Variants in TRIM13 observed in about 807,000 individuals in gnomAD.
The protein encoded by TRIM13 is E3 ubiquitin-protein ligase TRIM13.
TRIM13 carries 15 observed loss-of-function variants against 27.1 expected under a neutral mutation model. That is an observed-to-expected ratio of 0.55 (90% CI 0.37 to 0.85). The LOEUF (loss-of-function observed/expected upper bound fraction) is 0.85, where lower values mean the gene tolerates loss of function less well. Ranked by LOEUF, TRIM13 falls within the 40% of genes least tolerant of loss-of-function variation. The probability of loss-of-function intolerance (pLI) is 0.00; values close to 1 mark genes in which losing one functional copy is unlikely to be tolerated. For missense variants in TRIM13, 402 were observed against 472.2 expected, an observed-to-expected ratio of 0.85 and a Z score of 1.38; for synonymous variants, 193 against 171.5, an observed-to-expected ratio of 1.13 and a Z score of -0.98.
chr13:49,997,419 C>T lies in TRIM13; in HGVS notation c.-351C>T, dbSNP rs1345141691. On this transcript the variant is annotated 5_prime_UTR_variant, in exon 1 of 2. Transcript: ENST00000378182. ...CCCCGCTACCAGCGTCTCCACATCC[C>T]CTAGAAAAGAAAAGACGGGTGTGGG... 2 of 152,156 alleles carry T rather than the reference C, an allele frequency of 1.3e-5. No homozygotes were observed. The highest frequency in any genetic ancestry group is 2.9e-5 in the Non-Finnish European group (2 of 68,048). The allele number at this position is 152,156 out of a possible 1,614,324, so 9.4% of individuals were successfully genotyped here. A position where few individuals can be genotyped will look rare whatever the true frequency, so the allele number is the denominator to read the frequency against.
At chr13:50,006,370 C>G (rs1874712773) in intron 1 of TRIM13, among the ~76,000 whole-genome samples, 1 of 152,080 alleles carries the variant, frequency 6.6e-6, no homozygotes, top group African/African-American at 2.4e-5. Context: ...TCCTCCTCAT[C>G]CCACCCAATC....
intron 1 of TRIM13, among the ~76,000 whole-genome samples, chr13:49,999,968 C>G (rs536252269): frequency 6.6e-6 from 1 of 152,256 alleles, no homozygotes; most frequent in South Asian, 2.1e-4. Context: ...TTCTTGAGTG[C>G]TGGGGGTGTC....
Position 50,015,343 on chromosome 13 carries a change from C to A in TRIM13, c.*2179C>A. The A allele has an allele frequency of 1.5e-6, 1 of 650,712 alleles. No homozygotes were observed. The highest frequency in any genetic ancestry group is 2.7e-6 in the Non-Finnish European group (1 of 370,662). 40.3% of individuals were successfully genotyped at this position (650,712 alleles called of 1,614,324 possible). A position where few individuals can be genotyped will look rare whatever the true frequency, so the allele number is the denominator to read the frequency against. On this transcript the variant is annotated 3_prime_UTR_variant, in exon 2 of 2. Transcript: ENST00000378182. ...ACACAGCCATGGATACACTATTTAC[C>A]TTACAGTAGTTTCCTGGGAATCTAA...
rs1876113502 is a variant in TRIM13 at position 50,014,393 on chromosome 13, A to T, written c.*1229A>T. Reference sequence around the variant, plus strand: ...CACACACACATATGTACACATACATATATATACATATATATGTATATATAG... The same window carrying T: ...CACACACACATATGTACACATACATTTATATACATATATATGTATATATAG... On this transcript the variant is annotated 3_prime_UTR_variant, in exon 2 of 2. Coordinates refer to ENST00000378182, the MANE Select transcript of TRIM13 (RefSeq NM_213590.3). The T allele has an allele frequency of 6.3e-6, 1 of 158,966 alleles. No individual in the cohort carries two copies. The highest frequency in any genetic ancestry group is 7.1e-5 in the Admixed American group (1 of 14,006). The allele number at this position is 158,966 out of a possible 1,614,324, so 9.8% of individuals were successfully genotyped here. A position where few individuals can be genotyped will look rare whatever the true frequency, so the allele number is the denominator to read the frequency against.
chr13:50,005,939 A>G lies in TRIM13; in HGVS notation c.-6-5996A>G, dbSNP rs999103115. ...TCCATGTGGGCCAGGCTGGTCTCGA[A>G]CTCCCGACCTCATCTGCCCACCTCG... On this transcript the variant is annotated intron_variant, in intron 1 of 1. Coordinates refer to ENST00000378182, the MANE Select transcript of TRIM13 (RefSeq NM_213590.3). Among the ~76,000 whole-genome samples, 17 of 151,552 alleles carry G rather than the reference A, an allele frequency of 1.1e-4. 1 individual carries two copies. Among genetic ancestry groups the G allele is most frequent in the African/African-American group, 4.1e-4 (17 of 41,222 alleles).
At position 50,015,912 on chromosome 13, in the gene TRIM13, T is replaced by C. The variant is rs775679320; in HGVS notation, c.*2748T>C. 6.8e-6 allele frequency: 11 copies of C among 1,614,016 alleles called. No individual in the cohort carries two copies. The highest frequency in any genetic ancestry group is 9.3e-6 in the Non-Finnish European group (11 of 1,179,972). On this transcript the variant is annotated 3_prime_UTR_variant, in exon 2 of 2. Coordinates refer to ENST00000378182, the MANE Select transcript of TRIM13 (RefSeq NM_213590.3). ...ACAATTGAGATGCTAACAGGGAGGA[T>C]TACAGTGTTTACAGAACAACCTTCA...
Position 50,012,437 on chromosome 13 carries a change from C to G in TRIM13, c.497C>G (p.Thr166Ser), listed in dbSNP as rs958739173. Residue 166 changes from threonine to serine, a missense_variant, in exon 2 of 2, where the codon ACT becomes AGT. This residue lies in a region of TRIM13 where 202 missense variants were observed against 277.5 expected (regional missense o/e 0.73). Transcript: ENST00000378182. ...DALSRLDTLE[T>S]SKRKSLQLLT... ...CTTTCTCGCTTGGATACCTTGGAAACTAGTAAGAGGAAATCCCTACAGTTA... is the reference window on the plus strand; with the variant it reads ...CTTTCTCGCTTGGATACCTTGGAAAGTAGTAAGAGGAAATCCCTACAGTTA... 3.7e-6 allele frequency: 6 copies of G among 1,613,840 alleles called. No individual in the cohort carries two copies. In the African/African-American group the frequency reaches 6.7e-5, roughly 18 times the overall value.
At chr13:50,011,306 A>G (rs1236038115) in intron 1 of TRIM13, among the ~76,000 whole-genome samples, 1 of 152,224 alleles carries the variant, frequency 6.6e-6, no homozygotes, top group Non-Finnish European at 1.5e-5. Context: ...AGATAATACA[A>G]AATGGCTTCT....
At chr13:50,006,964 C>T (rs893382462) in intron 1 of TRIM13, among the ~76,000 whole-genome samples, 8 of 149,482 alleles carry the variant, frequency 5.4e-5, no homozygotes, top group Admixed American at 4.0e-4. Flanking sequence ...GCGGATCACC[C>T]GAGGTCAGGA....
Position 50,012,641 on chromosome 13 carries a change from A to G in TRIM13, c.701A>G (p.Asn234Ser), listed in dbSNP as rs1388129611. 1.9e-6 allele frequency: 3 copies of G among 1,613,994 alleles called. No individual in the cohort carries two copies. The highest frequency in any genetic ancestry group is 2.5e-6 in the Non-Finnish European group (3 of 1,180,010). Reference sequence around the variant, plus strand: ...TTGCAGGAGCAACGGATGGCCTTTAACATTGCTGAGGCTTTCAAAGATGTG... The same window carrying G: ...TTGCAGGAGCAACGGATGGCCTTTAGCATTGCTGAGGCTTTCAAAGATGTG... ...TILQEQRMAF[N>S]IAEAFKDVSE... The change falls in exon 2 of 2, where the codon AAC becomes AGC. Residue 234 changes from asparagine to serine, a missense_variant. Transcript: ENST00000378182.
rs1235087032 is a variant in TRIM13, at chr13:50,015,093, AAATATATATATATATATATATATATATAT to A, written c.*1931_*1959del. On this transcript the variant is annotated 3_prime_UTR_variant, in exon 2 of 2. Transcript: ENST00000378182. ...CCAGTAATAAAAAAAAAAAAAAAAA[AAATATATATATATATATATATATATATAT>A]ATATATATATATATATATATATATA... The A allele has an allele frequency of 1.3e-3, 18 of 14,206 alleles. 1 individual carries two copies. The highest frequency in any genetic ancestry group is 2.9e-3 in the African/African-American group (13 of 4,486). 0.9% of individuals were successfully genotyped at this position (14,206 alleles called of 1,614,324 possible).
At chr13:50,002,186 T>A (rs1874121646) in intron 1 of TRIM13, among the ~76,000 whole-genome samples, 1 of 152,134 alleles carries the variant, frequency 6.6e-6, no homozygotes, top group African/African-American at 2.4e-5. Flanking sequence ...GCCAGGAGTT[T>A]GAGTCCAGCC....
chr13:49,999,497 C>T (rs1225451855), intron 1 of TRIM13, among the ~76,000 whole-genome samples: 1 of 152,144 alleles, frequency 6.6e-6, no homozygotes, highest in Non-Finnish European at 1.5e-5. Context: ...GGTGTATCCC[C>T]CAGGCAATGG....
intron 1 of TRIM13, among the ~76,000 whole-genome samples, chr13:49,999,096 ACC>A (rs1164702526): frequency 2.8e-5 from 1 of 35,140 alleles, no homozygotes; most frequent in Non-Finnish European, 1.9e-4. Context: ...TTTCCTTGTC[ACC>A]CTATGTGGGC....
Position 50,014,987 on chromosome 13 carries a change from A to T in TRIM13, c.*1823A>T, listed in dbSNP as rs1318553873. On this transcript the variant is annotated 3_prime_UTR_variant, in exon 2 of 2. Transcript: ENST00000378182. ...ATTTAGCCACTAAATTTCTAAGGAG[A>T]TCATAAGAAATTAAGAAAAACGTTT... The T allele has an allele frequency of 6.1e-6, 1 of 165,270 alleles. No individual in the cohort carries two copies. The highest frequency in any genetic ancestry group is 1.5e-5 in the Non-Finnish European group (1 of 67,822). The allele number at this position is 165,270 out of a possible 1,614,324, so 10.2% of individuals were successfully genotyped here.
Position 50,015,837 on chromosome 13 carries a change from TAAGCC to T in TRIM13, c.*2674_*2678del. The T allele has an allele frequency of 4.3e-6, 7 of 1,614,168 alleles. No individual in the cohort carries two copies. The highest frequency in any genetic ancestry group is 5.9e-6 in the Non-Finnish European group (7 of 1,179,982). On this transcript the variant is annotated 3_prime_UTR_variant, in exon 2 of 2. Coordinates refer to ENST00000378182, the MANE Select transcript of TRIM13 (RefSeq NM_213590.3). ...CCTGCTCTTGTGGAGGTACATTTCC[TAAGCC>T]GGAACACTCAAGCTTTTTTCAGGGT...
In TRIM13 at chr13:50,012,371, C is replaced by T; in HGVS notation, c.431C>T (p.Ser144Phe). ...GCTCAGGAAAGGGATGCCTTTGAGT[C>T]CCTCTTCCAGAGCTTTGAGACCTGG... ...AYAQERDAFESLFQSFETWRR... is the reference protein window; with the variant it reads ...AYAQERDAFEFLFQSFETWRR... The change falls in exon 2 of 2, where the codon TCC (serine) becomes TTC (phenylalanine). Residue 144 changes from serine to phenylalanine, a missense_variant. Physicochemically the swap from Ser to Phe is radical, Grantham distance 155. This residue lies in a region of TRIM13 where 202 missense variants were observed against 277.5 expected (regional missense o/e 0.73). Transcript: ENST00000378182. 6.2e-7 allele frequency: 1 copy of T among 1,614,100 alleles called. No homozygotes were observed. The highest frequency in any genetic ancestry group is 1.1e-5 in the South Asian group (1 of 91,060).
In TRIM13 at chr13:50,018,452, CT is replaced by C. The variant is rs1566453130; in HGVS notation, c.*5295del. 6.0e-6 allele frequency: 1 copy of C among 165,958 alleles called. No homozygotes were observed. 10.3% of individuals were successfully genotyped at this position (165,958 alleles called of 1,614,324 possible). On this transcript the variant is annotated 3_prime_UTR_variant, in exon 2 of 2. Coordinates refer to ENST00000378182, the MANE Select transcript of TRIM13 (RefSeq NM_213590.3). ...AATCTGTTGTATCAAACATAATAAA[CT>C]TTTTTTGAGATGTGCTTTGTAGTTT...
chr13:50,013,061 A>C lies in TRIM13; in HGVS notation c.1121A>C (p.Gln374Pro), dbSNP rs144970238. Residue 374 changes from glutamine to proline, a missense_variant, in exon 2 of 2, where the codon CAG (glutamine) becomes CCG (proline). Physicochemically the swap from Gln to Pro is moderately conservative, Grantham distance 76. Around this residue, in one of 2 missense-constraint regions of TRIM13, gnomAD observed 200 missense variants for 194.7 expected, o/e 1.03. Coordinates refer to ENST00000378182, the MANE Select transcript of TRIM13 (RefSeq NM_213590.3). ...GAACAATCAGTTTTTTACTGGGAACAGGTGACAGATGGGTTTTTCATTTTC... is the reference window on the plus strand; with the variant it reads ...GAACAATCAGTTTTTTACTGGGAACCGGTGACAGATGGGTTTTTCATTTTC... Reference protein sequence around the residue: ...FIEQSVFYWEQVTDGFFIFNE... With the variant: ...FIEQSVFYWEPVTDGFFIFNE... 3.7e-6 allele frequency: 6 copies of C among 1,613,884 alleles called. No homozygotes were observed. In the African/African-American group the frequency reaches 8.0e-5, roughly 22 times the overall value.
Sources: allele counts gnomAD v4.1 joint callset (sites outside exome capture counted in the v4.1 genomes callset), GRCh38; gene constraint gnomAD v4.1.1; regional missense constraint gnomAD v4.1.1; transcripts MANE v1.5; gene names NCBI Gene and HGNC (gene_info 2026-07-23, HGNC 2026-07-21).